Variants in POLA1 observed in about 807,000 individuals in gnomAD.
The protein encoded by POLA1 is DNA polymerase alpha 1, catalytic subunit.
POLA1 carries 15 observed loss-of-function variants against 124.0 expected under a neutral mutation model. That is an observed-to-expected ratio of 0.12 (90% CI 0.08 to 0.19). The LOEUF (loss-of-function observed/expected upper bound fraction) is 0.19, where lower values mean the gene tolerates loss of function less well. POLA1 is among the 10% of genes least tolerant of loss of function. The pLI, the probability that POLA1 is intolerant of heterozygous loss-of-function variation, is 1.00. For missense variants in POLA1, 886 were observed against 1,103.4 expected (o/e 0.80, Z 2.79); for synonymous variants, 408 against 389.4 (o/e 1.05, Z -0.56).
At chrX:24,884,003 GATCA>G (rs1429477521) in intron 34 of POLA1, among the ~76,000 whole-genome samples, 1 of 111,499 alleles carries the variant, frequency 9.0e-6, no homozygotes, top group Non-Finnish European at 1.9e-5. Context: ...CTTTGTGAGT[GATCA>G]ATCAGAGTGA....
intron 35 of POLA1, among the ~76,000 whole-genome samples, chrX:24,914,491 C>A (rs1481319884): frequency 9.4e-6 from 1 of 106,811 alleles, no homozygotes; most frequent in African/African-American, 3.5e-5. Context: ...TTTGCTAAAG[C>A]ACATTTGTGA....
rs112630447 is a variant in POLA1 at position 24,786,176 on chromosome X, G to A, written c.2965-23722G>A. On this transcript the variant is annotated intron_variant, in intron 26 of 36. Coordinates refer to ENST00000379068, the MANE Select transcript of POLA1 (RefSeq NM_001330360.2). Reference sequence around the variant, plus strand: ...GTGAATAATGCTGCAGTGAACATGGGCGTACAGAAAAACCTCTTCAAGATA... The same window carrying A: ...GTGAATAATGCTGCAGTGAACATGGACGTACAGAAAAACCTCTTCAAGATA... 7.1e-3 allele frequency among the ~76,000 whole-genome samples: 796 copies of A among 112,236 alleles called. 5 individuals carry two copies. Among genetic ancestry groups the A allele is most frequent in the African/African-American group, 0.024 (748 of 30,883 alleles).
At chrX:24,987,534 C>T (rs1163934567) in intron 36 of POLA1, among the ~76,000 whole-genome samples, 1 of 112,058 alleles carries the variant, frequency 8.9e-6, no homozygotes, top group African/African-American at 3.2e-5. Flanking sequence ...TTTACTGATC[C>T]GCTTACACTA....
At chrX:24,976,062 A>G (rs2048361782) in intron 36 of POLA1, among the ~76,000 whole-genome samples, 1 of 112,518 alleles carries the variant, frequency 8.9e-6, no homozygotes, top group Non-Finnish European at 1.9e-5. Context: ...TTTAATACCG[A>G]CAAGTATATT....
chrX:24,825,514 T>C (rs1234458901), intron 31 of POLA1, among the ~76,000 whole-genome samples: 1 of 112,376 alleles, frequency 8.9e-6, no homozygotes, highest in African/African-American at 3.2e-5. Flanking sequence ...TGAATAGTTA[T>C]AACTTACTAG....
At chrX:24,926,924 C>T (rs1374082682) in intron 35 of POLA1, among the ~76,000 whole-genome samples, 1 of 110,422 alleles carries the variant, frequency 9.1e-6, no homozygotes, top group Non-Finnish European at 1.9e-5. Context: ...CTCCACCTCC[C>T]AGGTTCAAGT....
At chrX:24,942,949 A>C (rs1006599790) in intron 36 of POLA1, among the ~76,000 whole-genome samples, 4 of 112,075 alleles carry the variant, frequency 3.6e-5, no homozygotes, top group Non-Finnish European at 7.5e-5. Flanking sequence ...CACCCGCCTT[A>C]GCCTCCCAAA....
intron 2 of POLA1, among the ~76,000 whole-genome samples, chrX:24,700,951 A>G (rs1242742406): frequency 8.9e-6 from 1 of 111,829 alleles, no homozygotes; most frequent in African/African-American, 3.3e-5. Flanking sequence ...AGCAGTAGTA[A>G]TGTTGTTTTT....
At chrX:24,992,006 T>C (rs1201051307) in intron 36 of POLA1, among the ~76,000 whole-genome samples, 2 of 112,306 alleles carry the variant, frequency 1.8e-5, no homozygotes, top group African/African-American at 6.5e-5. Context: ...ATTATTTCTT[T>C]TCATTTCTTA....
At chrX:24,895,021 G>A (rs905287063) in intron 35 of POLA1, among the ~76,000 whole-genome samples, 6 of 110,507 alleles carry the variant, frequency 5.4e-5, no homozygotes, top group African/African-American at 2.0e-4. Context: ...CGATCTGCCT[G>A]CCTTGACCTC....
At chrX:24,940,963 T>G (rs2047903573) in intron 36 of POLA1, among the ~76,000 whole-genome samples, 1 of 112,131 alleles carries the variant, frequency 8.9e-6, no homozygotes, top group South Asian at 3.7e-4. Flanking sequence ...TTAAACAGAT[T>G]TAGTCTGACT....
intron 32 of POLA1, among the ~76,000 whole-genome samples, chrX:24,826,865 G>C (rs2046182003): frequency 9.0e-6 from 1 of 111,641 alleles, no homozygotes; most frequent in African/African-American, 3.3e-5. Flanking sequence ...AAAAGAAAGG[G>C]TAAAGTGAAG....
intron 36 of POLA1, among the ~76,000 whole-genome samples, chrX:24,954,490 A>G (rs902632465): frequency 1.8e-5 from 2 of 112,440 alleles, no homozygotes; most frequent in Non-Finnish European, 3.7e-5. Flanking sequence ...TTACATTGCA[A>G]GCCTCATTTA....
At chrX:24,964,381 A>G (rs2048200825) in intron 36 of POLA1, among the ~76,000 whole-genome samples, 1 of 112,869 alleles carries the variant, frequency 8.9e-6, no homozygotes, top group Non-Finnish European at 1.9e-5. Flanking sequence ...ACAAACAACT[A>G]AAGAGTGAAT....
At chrX:24,747,799 A>C (rs926995868) in intron 24 of POLA1, among the ~76,000 whole-genome samples, 1 of 100,212 alleles carries the variant, frequency 1.0e-5, no homozygotes, top group East Asian at 3.1e-4. Flanking sequence ...CAGTGGCGAG[A>C]TCTCCGCTTA....
chrX:24,772,583 C>T (rs2045060568), intron 26 of POLA1, among the ~76,000 whole-genome samples: 1 of 110,143 alleles, frequency 9.1e-6, no homozygotes, highest in Non-Finnish European at 1.9e-5. Context: ...TGTTGTTCCC[C>T]TCCGTCTGTT....
At chrX:24,805,390 C>T (rs751761099) in intron 26 of POLA1, among the ~76,000 whole-genome samples, 2 of 111,569 alleles carry the variant, frequency 1.8e-5, no homozygotes, top group African/African-American at 6.5e-5. Flanking sequence ...TGTGTGACAC[C>T]GAGTCTCCTG....
intron 26 of POLA1, among the ~76,000 whole-genome samples, chrX:24,763,434 C>T (rs961326486): frequency 5.4e-5 from 6 of 110,605 alleles, no homozygotes; most frequent in Non-Finnish European, 1.1e-4. Context: ...ACAGTTTGAT[C>T]GTAGACATGT....
At chrX:24,748,248 A>G (rs1932132162) in intron 24 of POLA1, 63 bp from the exon 25 acceptor site, 1 of 835,468 alleles carries the variant, frequency 1.2e-6, no homozygotes, top group Non-Finnish European at 1.7e-6. Flanking sequence ...CCTATAAAAT[A>G]TTACTGTAGA....
Sources: allele counts gnomAD v4.1 joint callset (sites outside exome capture counted in the v4.1 genomes callset), GRCh38; gene constraint gnomAD v4.1.1; transcripts MANE v1.5; gene names NCBI Gene and HGNC (gene_info 2026-07-23, HGNC 2026-07-21).